VPS41: variants seen among roughly 807,000 people sequenced by gnomAD.
VPS41 encodes the protein VPS41 subunit of HOPS complex.
VPS41 carries 85 observed loss-of-function variants against 130.9 expected under a neutral mutation model. The observed-to-expected ratio is 0.65, with a 90% CI of 0.55 to 0.78. The LOEUF (loss-of-function observed/expected upper bound fraction) is 0.78, where lower values mean the gene tolerates loss of function less well. Among genes scored for constraint, VPS41 ranks in the 30% least tolerant of loss-of-function variants. The pLI is 0.00. For synonymous variants in VPS41, 335 were observed against 332.9 expected (o/e 1.01, Z -0.07); for missense variants, 874 against 1,018.7 (o/e 0.86, Z 1.93).
In VPS41 at chr7:38,726,412, CA is replaced by C. The variant is rs1482915884; in HGVS notation, c.2485-87del. The C allele has an allele frequency of 4.8e-6, 5 of 1,036,814 alleles. No homozygotes were observed. The African/African-American group carries it at 7.9e-5, about 16-fold the overall frequency. The allele number at this position is 1,036,814 out of a possible 1,614,324, so 64.2% of individuals were successfully genotyped here. ...TCAGAAACACTAAGGTAGCGTTAGT[CA>C]GGGGGTGGAGAGGAAGTAATAGGAT... On this transcript the variant is annotated intron_variant, in intron 28 of 28. Coordinates refer to ENST00000310301, the MANE Select transcript of VPS41 (RefSeq NM_014396.4).
chr7:38,799,695 AAAAAATGCTAAAAATTCAT>A (rs1267818551), intron 7 of VPS41, among the ~76,000 whole-genome samples: 1 of 152,246 alleles, frequency 6.6e-6, no homozygotes, highest in Non-Finnish European at 1.5e-5. Context: ...CTAGAAATTC[AAAAAATGCTAAAAATTCAT>A]TTTAAAAAAT....
intron 25 of VPS41, among the ~76,000 whole-genome samples, chr7:38,740,031 G>C (rs962114051): frequency 2.6e-5 from 4 of 152,146 alleles, no homozygotes; most frequent in Admixed American, 2.0e-4. Context: ...CATGAGCTTG[G>C]TTCTCTGGAA....
At chr7:38,896,342 A>T (rs571073415) in intron 2 of VPS41, among the ~76,000 whole-genome samples, 1 of 152,358 alleles carries the variant, frequency 6.6e-6, no homozygotes, top group East Asian at 1.9e-4. Context: ...CCTATCTATA[A>T]GCAAACTCAG....
chr7:38,856,817 A>G (rs868812091), intron 4 of VPS41, among the ~76,000 whole-genome samples: 3 of 152,200 alleles, frequency 2.0e-5, no homozygotes, highest in South Asian at 2.1e-4. Flanking sequence ...AGATTCACAG[A>G]AGTGTATTCT....
In VPS41 at chr7:38,745,577, CT is replaced by C. The variant is rs1795970400; in HGVS notation, c.1962del (p.Glu655ArgfsTer6). The C allele has an allele frequency of 5.6e-6, 9 of 1,608,842 alleles. No individual in the cohort carries two copies. The highest frequency in any genetic ancestry group is 7.6e-6 in the Non-Finnish European group (9 of 1,178,658). On this transcript the variant is annotated frameshift_variant, in exon 23 of 29. Transcript: ENST00000310301. LOFTEE classifies it high-confidence loss of function. ...LEICQQRNFV[E>X]ETVYLLSRMG... ...TACTTACTCAGAAGATAAACTGTCT[CT>C]TCTACAAAGTTTCTCTGTTGACAGA...
chr7:38,734,684 G>A (rs540447168), intron 25 of VPS41, among the ~76,000 whole-genome samples: 9 of 152,222 alleles, frequency 5.9e-5, no homozygotes, highest in African/African-American at 1.9e-4. Context: ...TAGAAACAGC[G>A]GCCATGCGAA....
At chr7:38,901,223 T>C (rs376594481) in intron 1 of VPS41, among the ~76,000 whole-genome samples, 1 of 152,220 alleles carries the variant, frequency 6.6e-6, no homozygotes, top group East Asian at 1.9e-4. Flanking sequence ...GGGGAGTTAC[T>C]GTTAAATGGG....
intron 7 of VPS41, among the ~76,000 whole-genome samples, chr7:38,809,842 T>C (rs1784909093): frequency 1.3e-5 from 2 of 152,134 alleles, no homozygotes; most frequent in South Asian, 4.1e-4. Context: ...AACCAGTTAT[T>C]ATAAAGTGTA....
At chr7:38,745,672 A>G in intron 22 of VPS41, 59 bp from the exon 23 acceptor site, 3 of 1,297,812 alleles carry the variant, frequency 2.3e-6, no homozygotes, top group Non-Finnish European at 3.3e-6. Context: ...ACAAACAGTA[A>G]TAAAGTCATT....
At chr7:38,816,822 T>C (rs995398689) in intron 7 of VPS41, among the ~76,000 whole-genome samples, 24 of 152,178 alleles carry the variant, frequency 1.6e-4, no homozygotes, top group Admixed American at 3.3e-4. Flanking sequence ...TATAGCTCAC[T>C]GCAACCTCAA....
At chr7:38,776,229 T>C (rs1241087169) in intron 11 of VPS41, among the ~76,000 whole-genome samples, 2 of 152,216 alleles carry the variant, frequency 1.3e-5, no homozygotes, top group African/African-American at 2.4e-5. Flanking sequence ...TCAAGCTACT[T>C]AGAATCACCA....
At chr7:38,757,108 C>T (rs965333628) in intron 18 of VPS41, 126 bp from the exon 19 acceptor site, 2 of 723,374 alleles carry the variant, frequency 2.8e-6, no homozygotes, top group African/African-American at 3.6e-5. Context: ...AACTTTATTT[C>T]AAAAAATATT....
intron 9 of VPS41, among the ~76,000 whole-genome samples, chr7:38,790,886 T>C (rs1261804920): frequency 6.6e-6 from 1 of 152,246 alleles, no homozygotes; most frequent in Non-Finnish European, 1.5e-5. Context: ...CATACTTATA[T>C]ATAAAACTTT....
In VPS41 at chr7:38,898,121, C is replaced by T. The variant is rs1163560090; in HGVS notation, c.30G>A (p.Gly10=). Reference sequence around the variant, plus strand: ...ACTCATCTGTAGATTCTTCAAGGGACCCAGTTTCCTATAAAGCATAGAAAA... The same window carrying T: ...ACTCATCTGTAGATTCTTCAAGGGATCCAGTTTCCTATAAAGCATAGAAAA... The part of the protein sequence containing the change: MAEAEEQET[G]SLEESTDESE... The change falls in exon 2 of 29, where the codon GGG becomes GGA. Residue 10 remains glycine (G), a synonymous_variant. Transcript: ENST00000310301. 2.5e-6 allele frequency: 4 copies of T among 1,613,504 alleles called. No individual in the cohort carries two copies. The highest frequency in any genetic ancestry group is 1.7e-5 in the Admixed American group (1 of 60,014).
intron 2 of VPS41, among the ~76,000 whole-genome samples, chr7:38,870,589 T>C (rs1185091730): frequency 6.6e-6 from 1 of 151,860 alleles, no homozygotes; most frequent in Non-Finnish European, 1.5e-5. Flanking sequence ...TCATGTACAG[T>C]ACTAAGGATT....
At chr7:38,885,448 G>A (rs1382374432) in intron 2 of VPS41, among the ~76,000 whole-genome samples, 1 of 152,124 alleles carries the variant, frequency 6.6e-6, no homozygotes, top group Admixed American at 6.5e-5. Context: ...TACAGAAAAT[G>A]ATCACATTTC....
intron 2 of VPS41, among the ~76,000 whole-genome samples, chr7:38,871,847 G>A (rs551214311): frequency 4.6e-5 from 7 of 152,250 alleles, no homozygotes; most frequent in African/African-American, 1.7e-4. Context: ...TTTCTATAAA[G>A]ATAGAGACTC....
chr7:38,757,058 C>T, intron 18 of VPS41, 76 bp from the exon 19 acceptor site: 2 of 1,193,256 alleles, frequency 1.7e-6, no homozygotes, highest in Non-Finnish European at 2.4e-6. Context: ...TCATGGTTCA[C>T]AATATTAAAA....
At chr7:38,869,282 C>T (rs775250138) in intron 2 of VPS41, 29 bp from the exon 3 acceptor site, 75 of 1,496,302 alleles carry the variant, frequency 5.0e-5, no homozygotes, top group Non-Finnish European at 6.0e-5. Context: ...AAAATGACAC[C>T]CGTCAGAGAT....
Sources: gnomAD v4.1 joint callset for allele counts (sites outside exome capture counted in the v4.1 genomes callset) on GRCh38, gnomAD v4.1.1 for gene constraint, MANE v1.5 for transcripts, NCBI Gene and HGNC (gene_info 2026-07-23, HGNC 2026-07-21) for gene names.